The following PTK2B variants were observed in gnomAD, a reference collection of about 807,000 sequenced individuals.
The protein encoded by PTK2B is protein-tyrosine kinase 2-beta.
Under a neutral mutation model 142.9 loss-of-function variants are expected in PTK2B, and 71 were observed. That is an observed-to-expected ratio of 0.50 (90% CI 0.41 to 0.61). The LOEUF (loss-of-function observed/expected upper bound fraction) is 0.61, where lower values mean the gene tolerates loss of function less well. Among genes scored for constraint, PTK2B ranks in the 20% least tolerant of loss-of-function variants. The pLI, the probability that PTK2B is intolerant of heterozygous loss-of-function variation, is 0.00. For missense variants in PTK2B, 1,105 were observed against 1,320.4 expected (o/e 0.84, Z 2.53); for synonymous variants, 519 against 503.4 (o/e 1.03, Z -0.42).
At chr8:27,310,836 C>G (rs1416054396), upstream of PTK2B, 1 of 1,607,360 alleles carries the variant, frequency 6.2e-7, no homozygotes, top group Admixed American at 1.7e-5. Context: ...ACCGGCTGCA[C>G]GCGGTGCCCC....
chr8:27,446,479 G>A (rs1306249988), intron 24 of PTK2B, among the ~76,000 whole-genome samples: 3 of 152,122 alleles, frequency 2.0e-5, no homozygotes, highest in African/African-American at 7.2e-5. Context: ...CTTTGTCACG[G>A]GGGGTTGTTA....
intron 2 of PTK2B, among the ~76,000 whole-genome samples, chr8:27,413,374 A>G (rs1055201287): frequency 1.3e-5 from 2 of 152,182 alleles, no homozygotes; most frequent in Non-Finnish European, 2.9e-5. Context: ...GATTTTACCA[A>G]CTGTCCCAGC....
At chr8:27,341,710 G>T (rs77086131) in intron 1 of PTK2B, among the ~76,000 whole-genome samples, 2,517 of 152,190 alleles carry the variant, frequency 0.017, 71 homozygotes, top group African/African-American at 0.057. Flanking sequence ...GTCTTGCTCT[G>T]TTGCCCAGCC....
At chr8:27,428,780 A>G (rs1810235272) in intron 5 of PTK2B, among the ~76,000 whole-genome samples, 1 of 152,240 alleles carries the variant, frequency 6.6e-6, no homozygotes, top group Admixed American at 6.5e-5. Context: ...AATTGGGACC[A>G]TATTTCTTAA....
intron 1 of PTK2B, among the ~76,000 whole-genome samples, chr8:27,370,005 GATT>G (rs1397361944): frequency 6.6e-6 from 1 of 152,158 alleles, no homozygotes; most frequent in Non-Finnish European, 1.5e-5. Flanking sequence ...TTAAGTCAGA[GATT>G]ATCAGAGCTG....
intron 1 of PTK2B, among the ~76,000 whole-genome samples, chr8:27,330,807 C>A (rs552665241): frequency 2.6e-5 from 4 of 152,286 alleles, no homozygotes; most frequent in Non-Finnish European, 4.4e-5. Flanking sequence ...TTTCAGGAGA[C>A]CCTCCAGGTA....
In PTK2B at chr8:27,422,300, C is replaced by T. The variant is rs777854372; in HGVS notation, c.472-4C>T. ...GCCTGATGCTTGACCTTTCTCCCCA[C>T]CAGCTCCGGAACGACTACATGCAGC... is the stretch of plus-strand genomic sequence containing the variant. On this transcript the variant is annotated splice_polypyrimidine_tract_variant and splice_region_variant and intron_variant, in intron 4 of 30. Coordinates refer to ENST00000346049, the MANE Select transcript of PTK2B (RefSeq NM_173176.3). 3.2e-5 allele frequency: 51 copies of T among 1,612,630 alleles called. No homozygotes were observed. The highest frequency in any genetic ancestry group is 1.9e-5 in the Non-Finnish European group (22 of 1,179,250).
At chr8:27,431,961 C>A in intron 9 of PTK2B, 2 of 338,638 alleles carry the variant, frequency 5.9e-6, no homozygotes, top group Non-Finnish European at 1.1e-5. Context: ...AATTCGTAAA[C>A]TTTCTTAAAA....
At chr8:27,348,959 C>T (rs757423963) in intron 1 of PTK2B, among the ~76,000 whole-genome samples, 3 of 152,124 alleles carry the variant, frequency 2.0e-5, no homozygotes, top group African/African-American at 7.2e-5. Context: ...GCTGACCTGT[C>T]CTCCCAGTAC....
At chr8:27,375,754 GC>G (rs949727939) in intron 1 of PTK2B, among the ~76,000 whole-genome samples, 2 of 152,174 alleles carry the variant, frequency 1.3e-5, no homozygotes, top group Non-Finnish European at 2.9e-5. Context: ...ATGCACGGGT[GC>G]CCCCAGCTAT....
At chr8:27,400,700 T>C (rs1213109400) in intron 2 of PTK2B, among the ~76,000 whole-genome samples, 3 of 152,322 alleles carry the variant, frequency 2.0e-5, no homozygotes, top group African/African-American at 7.2e-5. Context: ...GTTGGTACTA[T>C]TCATTGAGAT....
intron 1 of PTK2B, among the ~76,000 whole-genome samples, chr8:27,331,209 TG>T (rs1390586397): frequency 6.6e-6 from 1 of 152,198 alleles, no homozygotes; most frequent in Non-Finnish European, 1.5e-5. Flanking sequence ...CCAATAATTG[TG>T]GGGGCAGACC....
intron 2 of PTK2B, among the ~76,000 whole-genome samples, chr8:27,416,065 C>G (rs1207022946): frequency 1.3e-5 from 2 of 152,064 alleles, no homozygotes; most frequent in Non-Finnish European, 2.9e-5. Context: ...TAGCATGACC[C>G]AAACTCTATA....
rs1240145762 is a variant in PTK2B, at chr8:27,437,796, C to T, written c.1559C>T (p.Ser520Phe). 3.7e-6 allele frequency: 6 copies of T among 1,613,166 alleles called. No homozygotes were observed. The highest frequency in any genetic ancestry group is 1.3e-5 in the African/African-American group (1 of 74,924). The part of the protein sequence containing the change: ...LGHYLERNKN[S>F]LKVLTLVLYS... ...CACTACCTGGAGCGGAACAAGAACTCCCTGAAGGTGCTCACCCTCGTGCTG... is the reference window on the plus strand; with the variant it reads ...CACTACCTGGAGCGGAACAAGAACTTCCTGAAGGTGCTCACCCTCGTGCTG... Residue 520 changes from serine to phenylalanine, a missense_variant, in exon 18 of 31, where the codon TCC becomes TTC. By Grantham distance (155) the Ser-to-Phe change is radical (BLOSUM62 -2). Transcript: ENST00000346049.
chr8:27,419,436 C>T (rs1030529210), intron 2 of PTK2B, among the ~76,000 whole-genome samples: 21 of 152,182 alleles, frequency 1.4e-4, no homozygotes, highest in South Asian at 4.1e-4. Context: ...ATCAGCCACA[C>T]GGGATGGTAA....
intron 11 of PTK2B, 49 bp downstream of exon 11, chr8:27,433,601 C>G (rs757150256): frequency 1.3e-6 from 2 of 1,488,232 alleles, no homozygotes; most frequent in African/African-American, 2.8e-5. Context: ...TGGCAGCACA[C>G]CCGAGTCCCC....
chr8:27,425,661 A>C (rs1490674834), intron 5 of PTK2B, among the ~76,000 whole-genome samples: 1 of 152,076 alleles, frequency 6.6e-6, no homozygotes, highest in Non-Finnish European at 1.5e-5. Flanking sequence ...ATTAGGGTTC[A>C]CTCTTGGTAT....
At chr8:27,409,828 GGCCTTCCTCA>G (rs1808946721) in intron 2 of PTK2B, among the ~76,000 whole-genome samples, 1 of 152,100 alleles carries the variant, frequency 6.6e-6, no homozygotes, top group South Asian at 2.1e-4. Context: ...TCAAGTGATT[GGCCTTCCTCA>G]GCCTCCCAAG....
At chr8:27,383,466 G>T (rs529762363) in intron 1 of PTK2B, among the ~76,000 whole-genome samples, 1 of 151,956 alleles carries the variant, frequency 6.6e-6, no homozygotes, top group African/African-American at 2.4e-5. Context: ...GGCTGGTCTC[G>T]AAATGGCTGG....
Sources: allele counts gnomAD v4.1 joint callset (sites outside exome capture counted in the v4.1 genomes callset), GRCh38; gene constraint gnomAD v4.1.1; transcripts MANE v1.5; gene names NCBI Gene and HGNC (gene_info 2026-07-23, HGNC 2026-07-21).